Variants in CHN2 observed in about 807,000 individuals in gnomAD.
CHN2 encodes chimerin 2.
In CHN2, 35 loss-of-function variants were observed where a neutral mutation model predicts 56.3. The observed-to-expected ratio is 0.62, with a 90% CI of 0.47 to 0.82. The LOEUF is 0.82. Ranked by LOEUF, CHN2 falls within the 40% of genes least tolerant of loss-of-function variation. The pLI, the probability that CHN2 is intolerant of heterozygous loss-of-function variation, is 0.00. For synonymous variants in CHN2, 210 were observed against 212.8 expected (o/e 0.99, Z 0.12); for missense variants, 491 against 580.5 (o/e 0.85, Z 1.58).
chr7:29,429,790 A>G (rs1318279542), intron 6 of CHN2, among the ~76,000 whole-genome samples: 1 of 152,250 alleles, frequency 6.6e-6, no homozygotes, highest in African/African-American at 2.4e-5. Context: ...TTTATATTAC[A>G]TATAAATTTG....
chr7:29,303,671 C>G (rs1793907095), intron 1 of CHN2, among the ~76,000 whole-genome samples: 4 of 152,214 alleles, frequency 2.6e-5, no homozygotes, highest in Admixed American at 2.0e-4. Flanking sequence ...CACTTAACAC[C>G]TATCCTTCCA....
chr7:29,367,912 CT>C lies in CHN2; in HGVS notation c.89-19del. ...TCTAATTCTAATTATTTCTCTCTCTCTCTCTCTCTTTTTTGGCAGTATATCA... is the reference window on the plus strand; with the variant it reads ...TCTAATTCTAATTATTTCTCTCTCTCCTCTCTCTTTTTTGGCAGTATATCA... On this transcript the variant is annotated intron_variant, in intron 2 of 12. Transcript: ENST00000222792. 6.2e-7 allele frequency: 1 copy of C among 1,605,940 alleles called. No homozygotes were observed. Among genetic ancestry groups the C allele is most frequent in the Non-Finnish European group, 8.5e-7 (1 of 1,176,334 alleles).
intron 1 of CHN2, among the ~76,000 whole-genome samples, chr7:29,345,787 A>C (rs1202414175): frequency 6.6e-6 from 1 of 152,088 alleles, no homozygotes; most frequent in Non-Finnish European, 1.5e-5. Context: ...CAGAAGCTCC[A>C]TGTGGCCCCG....
intron 6 of CHN2, among the ~76,000 whole-genome samples, chr7:29,470,911 T>G (rs1785972025): frequency 1.3e-5 from 2 of 152,216 alleles, no homozygotes; most frequent in African/African-American, 4.8e-5. Context: ...TTGCGTCATA[T>G]ATCAGCAAGG....
intron 1 of CHN2, among the ~76,000 whole-genome samples, chr7:29,219,651 T>C (rs1785616531): frequency 6.6e-6 from 1 of 152,068 alleles, no homozygotes; most frequent in Non-Finnish European, 1.5e-5. Flanking sequence ...CTGAGAAAGA[T>C]TGAAAGTAAA....
At chr7:29,276,219 A>G (rs1480676820) in intron 1 of CHN2, among the ~76,000 whole-genome samples, 1 of 152,108 alleles carries the variant, frequency 6.6e-6, no homozygotes, top group Non-Finnish European at 1.5e-5. Flanking sequence ...GGGCTGGGAA[A>G]GAAATCCACG....
chr7:29,188,200 C>G (rs1798960036), intron 2 of CHN2, among the ~76,000 whole-genome samples: 1 of 152,184 alleles, frequency 6.6e-6, no homozygotes, highest in South Asian at 2.1e-4. Flanking sequence ...GACTTTTATG[C>G]TTTAGACACT....
intron 1 of CHN2, among the ~76,000 whole-genome samples, chr7:29,333,737 T>C (rs1195511619): frequency 6.6e-6 from 1 of 152,126 alleles, no homozygotes; most frequent in Admixed American, 6.5e-5. Context: ...TCTTTCTGGT[T>C]TTCCAATTTA....
At chr7:29,371,458 T>C (rs1309529814) in intron 3 of CHN2, among the ~76,000 whole-genome samples, 1 of 152,238 alleles carries the variant, frequency 6.6e-6, no homozygotes, top group Non-Finnish European at 1.5e-5. Context: ...GAACACTCCA[T>C]GCCGACAGAT....
At chr7:29,360,608 C>A (rs1467263513) in intron 2 of CHN2, among the ~76,000 whole-genome samples, 2 of 152,210 alleles carry the variant, frequency 1.3e-5, no homozygotes, top group Non-Finnish European at 2.9e-5. Context: ...AGGAAGACAC[C>A]TAAAGCACCT....
chr7:29,252,488 G>A (rs245970), intron 1 of CHN2, among the ~76,000 whole-genome samples: 25,185 of 145,870 alleles, frequency 0.17, 5,332 homozygotes, highest in African/African-American at 0.51. Flanking sequence ...GCACCCGGCC[G>A]ATTATACAGG....
At chr7:29,412,560 A>T (rs1012329415) in intron 6 of CHN2, among the ~76,000 whole-genome samples, 2 of 151,944 alleles carry the variant, frequency 1.3e-5, no homozygotes, top group African/African-American at 4.8e-5. Flanking sequence ...CAATCTCTTG[A>T]CCTCGTGATC....
chr7:29,196,879 T>C (rs1045966143), intron 1 of CHN2, among the ~76,000 whole-genome samples: 2 of 152,226 alleles, frequency 1.3e-5, no homozygotes, highest in Non-Finnish European at 2.9e-5. Context: ...CCCCTATTTT[T>C]AATCCTAAGG....
intron 1 of CHN2, among the ~76,000 whole-genome samples, chr7:29,339,578 C>T (rs936275590): frequency 6.6e-6 from 1 of 152,056 alleles, no homozygotes; most frequent in Non-Finnish European, 1.5e-5. Flanking sequence ...GCTAGCCGGG[C>T]ACGGTGGCTC....
chr7:29,184,954 G>A (rs559222788), intron 2 of CHN2, among the ~76,000 whole-genome samples: 7 of 152,218 alleles, frequency 4.6e-5, no homozygotes, highest in South Asian at 2.1e-4. Flanking sequence ...AAATACTTTC[G>A]CCTCTCTGTT....
chr7:29,213,707 C>T (rs561679461), intron 1 of CHN2, among the ~76,000 whole-genome samples: 5 of 151,990 alleles, frequency 3.3e-5, no homozygotes, highest in Non-Finnish European at 7.4e-5. Flanking sequence ...TTACTATATC[C>T]CCTAATTTTT....
intron 1 of CHN2, among the ~76,000 whole-genome samples, chr7:29,285,984 A>G (rs78797120): frequency 6.6e-6 from 1 of 152,256 alleles, no homozygotes; most frequent in African/African-American, 2.4e-5. Context: ...CCAACTCATA[A>G]AGGTACCACC....
chr7:29,195,078 T>C, intron 1 of CHN2, 88 bp downstream of exon 1: 1 of 1,391,248 alleles, frequency 7.2e-7, no homozygotes. Flanking sequence ...AGAGCCTACC[T>C]GTGGCCATCC....
intron 1 of CHN2, among the ~76,000 whole-genome samples, chr7:29,295,346 C>CACACACACACACAG (rs1245214192): frequency 6.6e-6 from 1 of 150,634 alleles, no homozygotes; most frequent in Non-Finnish European, 1.5e-5. Flanking sequence ...CACACACACA[C>CACACACACACACAG]AGATTATAAA....
Sources: gnomAD v4.1 joint callset for allele counts (sites outside exome capture counted in the v4.1 genomes callset) on GRCh38, gnomAD v4.1.1 for gene constraint, MANE v1.5 for transcripts, NCBI Gene and HGNC (gene_info 2026-07-23, HGNC 2026-07-21) for gene names.